The following SLC35F1 variants were observed in gnomAD, a reference collection of about 807,000 sequenced individuals.
The protein encoded by SLC35F1 is chromosome 6 open reading frame 169.
A neutral mutation model predicts 48.7 loss-of-function variants in SLC35F1; 14 were observed. That is an observed-to-expected ratio of 0.29 (90% confidence interval 0.19 to 0.45). SLC35F1 has a LOEUF of 0.45. Ranked by LOEUF, SLC35F1 falls within the 20% of genes least tolerant of loss-of-function variation. SLC35F1 has a pLI of 1.00. For synonymous variants in SLC35F1, 190 were observed against 202.2 expected (o/e 0.94, Z 0.51); for missense variants, 404 against 500.0 (o/e 0.81, Z 1.83).
chr6:118,050,273 A>G (rs563452868), intron 1 of SLC35F1, among the ~76,000 whole-genome samples: 1 of 152,014 alleles, frequency 6.6e-6, no homozygotes, highest in Admixed American at 6.6e-5. Context: ...CTAAATGACA[A>G]GTTAGTGGGT....
Position 118,242,488 on chromosome 6 carries a change from A to G in SLC35F1, c.477+6852A>G, listed in dbSNP as rs924656543. Among the ~76,000 whole-genome samples, 4 of 152,234 alleles carry G rather than the reference A, an allele frequency of 2.6e-5. No homozygotes were observed. The South Asian group carries it at 8.3e-4, about 32-fold the overall frequency. On this transcript the variant is annotated intron_variant, in intron 3 of 7. Transcript: ENST00000360388. ...CTGTTTTCCTTATTAGAAAGTAAAAAGAGAGGTGGTAGCATTATCATGTTG... is the reference window on the plus strand; with the variant it reads ...CTGTTTTCCTTATTAGAAAGTAAAAGGAGAGGTGGTAGCATTATCATGTTG...
chr6:118,041,563 A>G (rs989129156), intron 1 of SLC35F1, among the ~76,000 whole-genome samples: 2 of 152,210 alleles, frequency 1.3e-5, no homozygotes, highest in Non-Finnish European at 2.9e-5. Flanking sequence ...AATCAAGTAA[A>G]TAAGTAAGTA....
intron 1 of SLC35F1, among the ~76,000 whole-genome samples, chr6:118,019,297 G>A (rs1777361301): frequency 2.6e-5 from 4 of 151,894 alleles, no homozygotes; most frequent in Non-Finnish European, 5.9e-5. Flanking sequence ...TATTTTCAGA[G>A]CCAAAAAATG....
chr6:118,049,108 T>C (rs1420907725), intron 1 of SLC35F1, among the ~76,000 whole-genome samples: 2 of 152,098 alleles, frequency 1.3e-5, no homozygotes, highest in African/African-American at 4.8e-5. Flanking sequence ...AAACAAGCAA[T>C]GGGGAAAGGA....
intron 1 of SLC35F1, among the ~76,000 whole-genome samples, chr6:118,104,759 G>A (rs1015501510): frequency 6.6e-5 from 10 of 152,152 alleles, no homozygotes; most frequent in African/African-American, 2.4e-4. Flanking sequence ...ATTTGGACCA[G>A]TGTACTTGCA....
chr6:118,307,817 C>T (rs1171675862), intron 7 of SLC35F1, among the ~76,000 whole-genome samples: 1 of 152,186 alleles, frequency 6.6e-6, no homozygotes, highest in Non-Finnish European at 1.5e-5. Context: ...CTTACCGTTA[C>T]AGGCCACAGC....
At chr6:117,978,344 T>C (rs761395058) in intron 1 of SLC35F1, among the ~76,000 whole-genome samples, 2 of 151,830 alleles carry the variant, frequency 1.3e-5, no homozygotes, top group East Asian at 3.9e-4. Flanking sequence ...AGATTACCAG[T>C]TGTATGGAGT....
At chr6:118,054,786 T>TG (rs1582641122) in intron 1 of SLC35F1, among the ~76,000 whole-genome samples, 1 of 6,036 alleles carries the variant, frequency 1.7e-4, no homozygotes, top group Non-Finnish European at 3.2e-3. Context: ...TTCTTTTCTT[T>TG]CTTTTTTTTT....
At chr6:118,215,482 G>A (rs1042198795) in intron 2 of SLC35F1, among the ~76,000 whole-genome samples, 2 of 152,044 alleles carry the variant, frequency 1.3e-5, no homozygotes, top group Non-Finnish European at 2.9e-5. Context: ...AGACAATGGT[G>A]GGCCATGAAG....
intron 1 of SLC35F1, among the ~76,000 whole-genome samples, chr6:118,088,647 C>A (rs949720664): frequency 6.6e-6 from 1 of 152,046 alleles, no homozygotes; most frequent in Non-Finnish European, 1.5e-5. Flanking sequence ...AGTAAGGTGG[C>A]AGTAGAAGGT....
chr6:118,313,917 A>C (rs1329678465), intron 7 of SLC35F1, 111 bp from the exon 8 acceptor site: 9 of 972,644 alleles, frequency 9.3e-6, no homozygotes, highest in Non-Finnish European at 1.3e-5. Flanking sequence ...CCAACTCATC[A>C]TGCTGCCTGT....
intron 3 of SLC35F1, among the ~76,000 whole-genome samples, chr6:118,247,085 C>T (rs1157515591): frequency 6.6e-6 from 1 of 152,314 alleles, no homozygotes; most frequent in South Asian, 2.1e-4. Context: ...TTCCATCAAT[C>T]CAATTTAAGG....
In SLC35F1 at chr6:117,923,710, C is replaced by CATATACACATATATGT. The variant is rs1775961403; in HGVS notation, c.173+15816_173+15817insCACATATATGTATATA. Among the ~76,000 whole-genome samples the CATATACACATATATGT allele has an allele frequency of 5.3e-4, 12 of 22,554 alleles. 2 individuals are homozygous for CATATACACATATATGT. Among genetic ancestry groups the CATATACACATATATGT allele is most frequent in the Non-Finnish European group, 7.4e-4 (10 of 13,542 alleles). The allele number at this position is 22,554 out of a possible 152,430, so 14.8% of individuals were successfully genotyped here. On this transcript the variant is annotated intron_variant, in intron 1 of 7. Transcript: ENST00000360388. ...ACATATGTACATATACATATATGTA[C>CATATACACATATATGT]ATATATACATATATACATATGTATA...
At chr6:118,248,865 C>G (rs1336136470) in intron 3 of SLC35F1, among the ~76,000 whole-genome samples, 1 of 152,188 alleles carries the variant, frequency 6.6e-6, no homozygotes, top group Non-Finnish European at 1.5e-5. Context: ...GAAATCCTAA[C>G]CCCCAATATA....
chr6:118,265,137 G>A (rs1354353594), intron 3 of SLC35F1, among the ~76,000 whole-genome samples: 5 of 152,206 alleles, frequency 3.3e-5, no homozygotes, highest in African/African-American at 1.2e-4. Context: ...AGAGAAACAT[G>A]AGCATCTGTC....
At chr6:118,298,073 G>A (rs958399533) in intron 7 of SLC35F1, among the ~76,000 whole-genome samples, 7 of 152,044 alleles carry the variant, frequency 4.6e-5, no homozygotes, top group Admixed American at 3.9e-4. Flanking sequence ...TTCACCTTCT[G>A]CCAAGATTGT....
intron 1 of SLC35F1, among the ~76,000 whole-genome samples, chr6:118,140,447 G>A (rs914960514): frequency 1.3e-5 from 2 of 152,186 alleles, no homozygotes; most frequent in Non-Finnish European, 2.9e-5. Flanking sequence ...AAACTTCTAT[G>A]CTGGCAGTCG....
rs546314461 is a variant in SLC35F1, at chr6:118,251,030, G to C, written c.477+15394G>C. Among the ~76,000 whole-genome samples, 37 of 152,238 alleles carry C rather than the reference G, an allele frequency of 2.4e-4. No individual in the cohort carries two copies. In the South Asian group the frequency reaches 7.3e-3, roughly 30 times the overall value. On this transcript the variant is annotated intron_variant, in intron 3 of 7. Transcript: ENST00000360388. ...TGGCCAGGAGCGGTGGCTCATTCCT[G>C]TAATCCCAGCACTTTGGGAGGCCGA...
chr6:118,224,176 C>T (rs1007087661), intron 2 of SLC35F1, among the ~76,000 whole-genome samples: 8 of 152,168 alleles, frequency 5.3e-5, no homozygotes, highest in Admixed American at 5.2e-4. Context: ...ATTATGATTG[C>T]TTTGAAAAAT....
Sources: allele counts gnomAD v4.1 joint callset (sites outside exome capture counted in the v4.1 genomes callset), GRCh38; gene constraint gnomAD v4.1.1; transcripts MANE v1.5; gene names NCBI Gene and HGNC (gene_info 2026-07-23, HGNC 2026-07-21).